The following ZC3H12B variants were observed in gnomAD, a reference collection of about 807,000 sequenced individuals.
ZC3H12B encodes zinc finger CCCH-type containing 12B, also known as probable ribonuclease ZC3H12B.
A neutral mutation model predicts 43.9 loss-of-function variants in ZC3H12B; 7 were observed. That is an observed-to-expected ratio of 0.16 (90% CI 0.09 to 0.30). The LOEUF (loss-of-function observed/expected upper bound fraction) is 0.30. ZC3H12B is among the 10% of genes least tolerant of loss of function. The probability of loss-of-function intolerance (pLI) is 1.00; values close to 1 mark genes in which losing one functional copy is unlikely to be tolerated. For missense variants in ZC3H12B, 475 were observed against 670.2 expected (o/e 0.71, Z 3.22); for synonymous variants, 222 against 241.7 (o/e 0.92, Z 0.76).
At chrX:65,168,773 G>T in the ZC3H12B span, among the ~76,000 whole-genome samples, 18 of 111,519 alleles carry the variant, frequency 1.6e-4, no homozygotes, top group Non-Finnish European at 3.0e-4. Flanking sequence ...TCTTTGGAGG[G>T]TGTGTGTGTC....
the ZC3H12B span, among the ~76,000 whole-genome samples, chrX:65,205,710 G>T: frequency 9.0e-5 from 10 of 111,424 alleles, no homozygotes; most frequent in Non-Finnish European, 1.3e-4. Flanking sequence ...ATCCAAGTTG[G>T]TAAGGAGGAA....
chrX:65,164,386 A>G, the ZC3H12B span, among the ~76,000 whole-genome samples: 1 of 111,254 alleles, frequency 9.0e-6, no homozygotes. Context: ...AAATACCTCA[A>G]ACACCGCTCA....
At chrX:65,227,692 A>G in the ZC3H12B span, among the ~76,000 whole-genome samples, 2 of 111,337 alleles carry the variant, frequency 1.8e-5, no homozygotes, top group African/African-American at 6.5e-5. Context: ...AAAAAATGAT[A>G]AAGGGGATAT....
the ZC3H12B span, among the ~76,000 whole-genome samples, chrX:65,281,231 CT>C: frequency 0.01 from 947 of 90,258 alleles, 7 homozygotes; most frequent in African/African-American, 0.027. Context: ...TATAGCCAAA[CT>C]TTTTTTTTTT....
the ZC3H12B span, among the ~76,000 whole-genome samples, chrX:65,212,785 T>C: frequency 2.0e-5 from 2 of 101,257 alleles, no homozygotes; most frequent in Admixed American, 2.4e-4. Flanking sequence ...GTTAGACTAT[T>C]AGCTCTATGA....
At chrX:65,427,363 C>G (rs924579381) in intron 3 of ZC3H12B, among the ~76,000 whole-genome samples, 9 of 110,615 alleles carry the variant, frequency 8.1e-5, no homozygotes, top group East Asian at 2.8e-4. Context: ...GTGTCTTGCT[C>G]TCTCACCCAG....
chrX:65,369,808 T>A, intron 2 of ZC3H12B, among the ~76,000 whole-genome samples: 1 of 111,920 alleles, frequency 8.9e-6, no homozygotes, highest in East Asian at 2.8e-4. Flanking sequence ...TTTCCAACTT[T>A]TGAGATCTGT....
the ZC3H12B span, among the ~76,000 whole-genome samples, chrX:65,149,642 T>C: frequency 9.3e-6 from 1 of 108,072 alleles, no homozygotes; most frequent in African/African-American, 3.4e-5. Context: ...CGGGCACCTG[T>C]ATTCCCAGCT....
chrX:65,159,392 A>G, the ZC3H12B span, among the ~76,000 whole-genome samples: 2 of 111,391 alleles, frequency 1.8e-5, no homozygotes, highest in South Asian at 7.5e-4. Context: ...GATTCTTCCT[A>G]CCCATGAGCA....
chrX:65,492,307 C>T (rs914719905), intron 1 of ZC3H12B, among the ~76,000 whole-genome samples: 2 of 112,006 alleles, frequency 1.8e-5, no homozygotes, highest in Non-Finnish European at 3.8e-5. Flanking sequence ...CTGGTTCTTT[C>T]GCTTTTTAAG....
the ZC3H12B span, among the ~76,000 whole-genome samples, chrX:65,088,732 A>G: frequency 1.8e-5 from 2 of 111,366 alleles, no homozygotes; most frequent in African/African-American, 6.5e-5. Context: ...ATAATCCTTC[A>G]GTTATTTAAG....
chrX:65,396,760 T>C (rs1359676318), intron 2 of ZC3H12B, among the ~76,000 whole-genome samples: 3 of 110,982 alleles, frequency 2.7e-5, no homozygotes, highest in Non-Finnish European at 5.7e-5. Flanking sequence ...ATATTCTTGT[T>C]AATAACCTGT....
At chrX:65,053,987 C>T in the ZC3H12B span, among the ~76,000 whole-genome samples, 2 of 101,166 alleles carry the variant, frequency 2.0e-5, no homozygotes, top group African/African-American at 6.8e-5. Context: ...TATTTGAGTT[C>T]ATTGTAGATT....
the ZC3H12B span, among the ~76,000 whole-genome samples, chrX:65,044,968 TA>T: frequency 1.5e-3 from 152 of 98,795 alleles, 1 homozygote; most frequent in South Asian, 0.013. Context: ...CATCCCTACT[TA>T]AAAAAAAAAA....
At chrX:65,118,766 A>C in the ZC3H12B span, among the ~76,000 whole-genome samples, 1 of 107,561 alleles carries the variant, frequency 9.3e-6, no homozygotes, top group African/African-American at 3.4e-5. Context: ...TTCTCATTTA[A>C]CATTAGGTAT....
the ZC3H12B span, among the ~76,000 whole-genome samples, chrX:65,313,467 G>A: frequency 8.9e-6 from 1 of 112,044 alleles, no homozygotes; most frequent in East Asian, 2.8e-4. Context: ...ATTTGTGGGT[G>A]CACATAATAT....
the ZC3H12B span, among the ~76,000 whole-genome samples, chrX:65,165,140 G>GC: frequency 9.0e-6 from 1 of 111,619 alleles, no homozygotes; most frequent in African/African-American, 3.3e-5. Flanking sequence ...ATTAGTAACT[G>GC]CCCCCAAACT....
intron 1 of ZC3H12B, among the ~76,000 whole-genome samples, chrX:65,490,299 C>T (rs1277959741): frequency 1.1e-5 from 1 of 95,227 alleles, no homozygotes; most frequent in Non-Finnish European, 2.0e-5. Context: ...ATGGCAGAAA[C>T]AAGAAGATGG....
the ZC3H12B span, among the ~76,000 whole-genome samples, chrX:65,214,207 C>T: frequency 9.0e-6 from 1 of 110,885 alleles, no homozygotes; most frequent in Non-Finnish European, 1.9e-5. Flanking sequence ...GGTTGCTCAA[C>T]ATTAGGGTGG....
Sources: gnomAD v4.1 joint callset for allele counts (sites outside exome capture counted in the v4.1 genomes callset) on GRCh38, gnomAD v4.1.1 for gene constraint, MANE v1.5 for transcripts, NCBI Gene and HGNC (gene_info 2026-07-23, HGNC 2026-07-21) for gene names.